The following UBE2E2 variants were observed in gnomAD, a reference collection of about 807,000 sequenced individuals.
UBE2E2 encodes ubiquitin-conjugating enzyme E2 E2.
Under a neutral mutation model 24.7 loss-of-function variants are expected in UBE2E2, and 6 were observed. That is an observed-to-expected ratio of 0.24 (90% CI 0.13 to 0.48). The LOEUF is 0.48. Among genes scored for constraint, UBE2E2 ranks in the 20% least tolerant of loss-of-function variants. The probability of loss-of-function intolerance (pLI) is 0.99; values close to 1 mark genes in which losing one functional copy is unlikely to be tolerated. For missense variants in UBE2E2, 169 were observed against 245.0 expected (o/e 0.69, Z 2.07); for synonymous variants, 104 against 83.6 (o/e 1.24, Z -1.33).
rs532259261 is a variant in UBE2E2 at position 23,211,550 on chromosome 3, C to A, written c.176+2675C>A. On this transcript the variant is annotated intron_variant, in intron 2 of 5. Transcript: ENST00000396703. ...GGATTACAGGGTTGTGTCACCACAC[C>A]AGGTTAAATTTTTAATGTATTTTTT... Among the ~76,000 whole-genome samples the A allele has an allele frequency of 2.0e-5, 3 of 151,926 alleles. No homozygotes were observed. In the South Asian group the frequency reaches 6.3e-4, roughly 32 times the overall value.
At chr3:23,304,092 A>G (rs1432716580) in intron 3 of UBE2E2, among the ~76,000 whole-genome samples, 1 of 152,162 alleles carries the variant, frequency 6.6e-6, no homozygotes. Flanking sequence ...TGCCTGAAGA[A>G]TTGGCATTTT....
chr3:23,558,415 T>A (rs1695841905), intron 5 of UBE2E2, among the ~76,000 whole-genome samples: 1 of 152,208 alleles, frequency 6.6e-6, no homozygotes. Context: ...TGTAGTTATG[T>A]ATATCTTTAC....
chr3:23,318,342 A>G (rs1335202915), intron 3 of UBE2E2, among the ~76,000 whole-genome samples: 1 of 152,168 alleles, frequency 6.6e-6, no homozygotes, highest in Non-Finnish European at 1.5e-5. Context: ...ATGGAAGCCA[A>G]TAGCAAATCA....
chr3:23,234,209 T>C lies in UBE2E2; in HGVS notation c.227+16897T>C, dbSNP rs992770152. Among the ~76,000 whole-genome samples the C allele has an allele frequency of 1.6e-4, 24 of 152,080 alleles. 1 individual carries two copies. Among genetic ancestry groups the C allele is most frequent in the Middle Eastern group, 6.8e-3 (2 of 292 alleles). ...CATCATTCTCTGTGCCCTTTTTTTT[T>C]TTTCTTTCTTTTTTTATTCTCCAGT... On this transcript the variant is annotated intron_variant, in intron 3 of 5. Transcript: ENST00000396703.
intron 5 of UBE2E2, among the ~76,000 whole-genome samples, chr3:23,556,340 A>C (rs77429410): frequency 2.7e-5 from 4 of 149,000 alleles, no homozygotes; most frequent in Admixed American, 1.3e-4. Context: ...AGACGGTTTC[A>C]CCATGTTGGC....
intron 4 of UBE2E2, among the ~76,000 whole-genome samples, chr3:23,515,736 C>T (rs548574703): frequency 6.0e-5 from 9 of 151,112 alleles, no homozygotes; most frequent in African/African-American, 2.2e-4. Flanking sequence ...GTGGGAGGAT[C>T]GCTTGAGGCC....
At chr3:23,418,339 G>A (rs1457219780) in intron 3 of UBE2E2, among the ~76,000 whole-genome samples, 1 of 152,124 alleles carries the variant, frequency 6.6e-6, no homozygotes, top group African/African-American at 2.4e-5. Flanking sequence ...TGCTTCCTGG[G>A]TAACGCAATG....
intron 3 of UBE2E2, among the ~76,000 whole-genome samples, chr3:23,300,488 A>G (rs1299269481): frequency 1.3e-5 from 2 of 152,202 alleles, no homozygotes; most frequent in African/African-American, 2.4e-5. Context: ...GGTGGTGACA[A>G]AATCTCTCAG....
chr3:23,567,979 C>T (rs991975862), intron 5 of UBE2E2, among the ~76,000 whole-genome samples: 1 of 152,194 alleles, frequency 6.6e-6, no homozygotes, highest in Non-Finnish European at 1.5e-5. Context: ...AACACCCTCT[C>T]ACAGGAGAGA....
intron 3 of UBE2E2, among the ~76,000 whole-genome samples, chr3:23,419,418 T>C (rs1380906092): frequency 6.6e-6 from 1 of 152,156 alleles, no homozygotes; most frequent in Admixed American, 6.5e-5. Flanking sequence ...CAGTGATGAG[T>C]TGTCAACATG....
At chr3:23,322,657 T>G (rs1255771728) in intron 3 of UBE2E2, among the ~76,000 whole-genome samples, 1 of 152,052 alleles carries the variant, frequency 6.6e-6, no homozygotes, top group Non-Finnish European at 1.5e-5. Flanking sequence ...GATGAAGTAA[T>G]TAAGTCCAGA....
At chr3:23,283,944 A>T (rs1027988569) in intron 3 of UBE2E2, among the ~76,000 whole-genome samples, 2 of 152,208 alleles carry the variant, frequency 1.3e-5, no homozygotes, top group Non-Finnish European at 2.9e-5. Context: ...ACTGCTTTAG[A>T]TACTTTTGCA....
rs1170583021 is a variant in UBE2E2, at chr3:23,283,823, C to T, written c.227+66511C>T. Among the ~76,000 whole-genome samples, 3 of 149,170 alleles carry T rather than the reference C, an allele frequency of 2.0e-5. No individual in the cohort carries two copies. The East Asian group carries it at 5.9e-4, about 29-fold the overall frequency. On this transcript the variant is annotated intron_variant, in intron 3 of 5. Transcript: ENST00000396703. Reference sequence around the variant, plus strand: ...GTCACGTGGGAGGTTGTTACAAATGCAGATTACCAGGCTCCATTTCACACC... The same window carrying T: ...GTCACGTGGGAGGTTGTTACAAATGTAGATTACCAGGCTCCATTTCACACC...
chr3:23,242,591 C>G (rs921739472), intron 3 of UBE2E2, among the ~76,000 whole-genome samples: 4 of 151,896 alleles, frequency 2.6e-5, no homozygotes, highest in Non-Finnish European at 5.9e-5. Flanking sequence ...TCATTTTATT[C>G]TGTTGACAGT....
chr3:23,403,136 T>A (rs1697271812), intron 3 of UBE2E2, among the ~76,000 whole-genome samples: 1 of 152,216 alleles, frequency 6.6e-6, no homozygotes, highest in Non-Finnish European at 1.5e-5. Context: ...CTAGTGAAAT[T>A]GAAATTATTT....
At chr3:23,226,101 ACTC>A (rs906790221) in intron 3 of UBE2E2, among the ~76,000 whole-genome samples, 2 of 151,710 alleles carry the variant, frequency 1.3e-5, no homozygotes, top group African/African-American at 2.4e-5. Flanking sequence ...CTGGTCTCGA[ACTC>A]CTGATCCCAA....
At chr3:23,496,493 A>T (rs527923657) in intron 3 of UBE2E2, among the ~76,000 whole-genome samples, 29 of 152,194 alleles carry the variant, frequency 1.9e-4, no homozygotes, top group Admixed American at 1.6e-3. Context: ...CCTCAGTAGT[A>T]TATGTCCCTG....
At chr3:23,582,017 A>G (rs1575722888) in intron 5 of UBE2E2, among the ~76,000 whole-genome samples, 1 of 152,246 alleles carries the variant, frequency 6.6e-6, no homozygotes, top group South Asian at 2.1e-4. Flanking sequence ...TCACCCAGGT[A>G]ATAAGCATAG....
intron 5 of UBE2E2, among the ~76,000 whole-genome samples, chr3:23,578,761 C>A (rs12486880): frequency 0.31 from 47,715 of 151,746 alleles, 8,296 homozygotes; most frequent in East Asian, 0.51. Flanking sequence ...AACAGCACAC[C>A]CTGGGGCCTG....
Sources: gnomAD v4.1 joint callset for allele counts (sites outside exome capture counted in the v4.1 genomes callset) on GRCh38, gnomAD v4.1.1 for gene constraint, MANE v1.5 for transcripts, NCBI Gene and HGNC (gene_info 2026-07-23, HGNC 2026-07-21) for gene names.